The following KCNG3 variants were observed in gnomAD, a reference collection of about 807,000 sequenced individuals.
KCNG3 encodes voltage-gated potassium channel regulatory subunit KCNG3.
KCNG3 carries 15 observed loss-of-function variants against 29.0 expected under a neutral mutation model. That is an observed-to-expected ratio of 0.52 (90% CI 0.35 to 0.80). The LOEUF is 0.80. KCNG3 is among the 30% of genes least tolerant of loss of function. KCNG3 has a pLI of 0.01. For synonymous variants in KCNG3, 322 were observed against 248.9 expected, an observed-to-expected ratio of 1.29 and a Z score of -2.76; for missense variants, 512 against 605.7, an observed-to-expected ratio of 0.85 and a Z score of 1.62.
chr2:42,407,627 C>A, the KCNG3 span, among the ~76,000 whole-genome samples: 1 of 152,164 alleles, frequency 6.6e-6, no homozygotes, highest in East Asian at 1.9e-4. Context: ...CTCCAGGGAG[C>A]CCCGCTTGGG....
At chr2:42,424,584 A>G in the KCNG3 span, among the ~76,000 whole-genome samples, 5 of 152,214 alleles carry the variant, frequency 3.3e-5, no homozygotes, top group Non-Finnish European at 5.9e-5. Context: ...TTTTTCCCCA[A>G]GAGAAAACAA....
At chr2:42,436,833 C>T in the KCNG3 span, among the ~76,000 whole-genome samples, 10 of 152,194 alleles carry the variant, frequency 6.6e-5, no homozygotes, top group Admixed American at 1.3e-4. Flanking sequence ...ATTTTACACA[C>T]GCTGGCTTTT....
At chr2:42,492,629 T>C (rs891804799) in intron 1 of KCNG3, among the ~76,000 whole-genome samples, 7 of 152,048 alleles carry the variant, frequency 4.6e-5, no homozygotes, top group Admixed American at 2.6e-4. Flanking sequence ...GTGCGTCTAG[T>C]GTAAGGGCCA....
the KCNG3 span, among the ~76,000 whole-genome samples, chr2:42,402,201 C>T: frequency 1.4e-4 from 22 of 152,338 alleles, no homozygotes; most frequent in African/African-American, 5.3e-4. Flanking sequence ...ATCAGAACCC[C>T]TGCTTCTCAG....
chr2:42,441,616 TG>T, downstream of KCNG3, among the ~76,000 whole-genome samples: 1 of 151,912 alleles, frequency 6.6e-6, no homozygotes, highest in South Asian at 2.1e-4. Flanking sequence ...ATCGGTCCTA[TG>T]GAAAGTCTGG....
the KCNG3 span, among the ~76,000 whole-genome samples, chr2:42,412,861 G>A: frequency 2.8e-4 from 42 of 152,096 alleles, no homozygotes; most frequent in Admixed American, 1.4e-3. Flanking sequence ...CCCTGCTGGC[G>A]TCTGAAATAC....
chr2:42,440,665 T>A (rs1672452826), downstream of KCNG3, among the ~76,000 whole-genome samples: 1 of 152,174 alleles, frequency 6.6e-6, no homozygotes, highest in Non-Finnish European at 1.5e-5. Flanking sequence ...TGGAAATAAC[T>A]TTTCAGAAAG....
chr2:42,394,063 G>T, the KCNG3 span, among the ~76,000 whole-genome samples: 1 of 152,180 alleles, frequency 6.6e-6, no homozygotes. Flanking sequence ...TTACAGGTGT[G>T]AGCCACTATG....
At chr2:42,441,549 T>C (rs1672477847), downstream of KCNG3, among the ~76,000 whole-genome samples, 1 of 152,004 alleles carries the variant, frequency 6.6e-6, no homozygotes, top group South Asian at 2.1e-4. Flanking sequence ...CATCGTCTCC[T>C]TATAAATGGG....
At chr2:42,456,000 C>G (rs1672866370) in intron 1 of KCNG3, among the ~76,000 whole-genome samples, 1 of 149,716 alleles carries the variant, frequency 6.7e-6, no homozygotes, top group African/African-American at 2.4e-5. Context: ...AAATATAGTA[C>G]AATATCATAA....
chr2:42,455,605 T>C (rs1459950732), intron 1 of KCNG3, among the ~76,000 whole-genome samples: 4 of 152,040 alleles, frequency 2.6e-5, no homozygotes, highest in Admixed American at 2.6e-4. Flanking sequence ...TCATCTTTAC[T>C]AAAAATTTTC....
the KCNG3 span, among the ~76,000 whole-genome samples, chr2:42,410,144 T>G: frequency 1.3e-5 from 2 of 152,208 alleles, no homozygotes; most frequent in South Asian, 4.1e-4. Flanking sequence ...GCTTCCTACT[T>G]CTTTATTGTT....
At chr2:42,454,589 G>A (rs1212092151) in intron 1 of KCNG3, among the ~76,000 whole-genome samples, 2 of 152,082 alleles carry the variant, frequency 1.3e-5, no homozygotes, top group Non-Finnish European at 2.9e-5. Context: ...GTGGGTGCCT[G>A]TAATCCCAGC....
At chr2:42,472,797 G>C (rs144848205) in intron 1 of KCNG3, among the ~76,000 whole-genome samples, 2 of 149,702 alleles carry the variant, frequency 1.3e-5, no homozygotes, top group African/African-American at 2.5e-5. Flanking sequence ...TATATCTATA[G>C]ATCTATACAT....
the KCNG3 span, among the ~76,000 whole-genome samples, chr2:42,401,466 G>A: frequency 6.6e-6 from 1 of 151,618 alleles, no homozygotes; most frequent in Non-Finnish European, 1.5e-5. Flanking sequence ...TTTGGAGACA[G>A]GTTCTTGCTC....
chr2:42,486,775 G>A (rs1282658383), intron 1 of KCNG3, among the ~76,000 whole-genome samples: 1 of 152,206 alleles, frequency 6.6e-6, no homozygotes. Context: ...CATGACAGCA[G>A]GAACCCTTTG....
chr2:42,480,686 T>G (rs1673559671), intron 1 of KCNG3, among the ~76,000 whole-genome samples: 1 of 142,618 alleles, frequency 7.0e-6, no homozygotes, highest in African/African-American at 2.6e-5. Context: ...TAACTACTCA[T>G]AAGGCTGAGA....
chr2:42,471,088 G>T (rs531386248), intron 1 of KCNG3, among the ~76,000 whole-genome samples: 9 of 151,962 alleles, frequency 5.9e-5, no homozygotes, highest in South Asian at 2.1e-4. Context: ...GGGCTTCAAG[G>T]CTGCAGTGAG....
At chr2:42,388,934 T>G in the KCNG3 span, among the ~76,000 whole-genome samples, 1 of 152,154 alleles carries the variant, frequency 6.6e-6, no homozygotes, top group African/African-American at 2.4e-5. Context: ...TGTATTTTAT[T>G]TGAGAGGGAG....
Sources: allele counts gnomAD v4.1 joint callset (sites outside exome capture counted in the v4.1 genomes callset), GRCh38; gene constraint gnomAD v4.1.1; transcripts MANE v1.5; gene names NCBI Gene and HGNC (gene_info 2026-07-23, HGNC 2026-07-21).